Variants in TMIGD3 observed in about 807,000 individuals in gnomAD.
TMIGD3 encodes transmembrane and immunoglobulin domain containing 3.
A neutral mutation model predicts 28.1 loss-of-function variants in TMIGD3; 21 were observed. That is an observed-to-expected ratio of 0.75 (90% CI 0.53 to 1.08). The LOEUF is 1.08. TMIGD3 is among the 50% of genes least tolerant of loss of function. The pLI is 0.00. For missense variants in TMIGD3, 416 were observed against 435.6 expected, an observed-to-expected ratio of 0.96 and a Z score of 0.40; for synonymous variants, 151 against 162.1, an observed-to-expected ratio of 0.93 and a Z score of 0.52.
chr1:111,490,784 G>GC (rs756149168), intron 1 of TMIGD3, 22 bp from the exon 2 acceptor site: 58 of 1,557,560 alleles, frequency 3.7e-5, no homozygotes, highest in Non-Finnish European at 4.8e-5. Flanking sequence ...AAACAGATAT[G>GC]CTTGAGCTTA....
intron 1 of TMIGD3, among the ~76,000 whole-genome samples, chr1:111,548,099 C>T (rs369421586): frequency 2.6e-5 from 4 of 152,224 alleles, no homozygotes; most frequent in Non-Finnish European, 4.4e-5. Context: ...CGGCTCACTG[C>T]AACCTCCACC....
chr1:111,494,032 A>G (rs577051078), intron 1 of TMIGD3, among the ~76,000 whole-genome samples: 45 of 152,354 alleles, frequency 3.0e-4, no homozygotes, highest in African/African-American at 1.1e-3. Context: ...TGGCCACACC[A>G]TACATGAAAA....
At chr1:111,532,399 A>G (rs1656487784) in intron 1 of TMIGD3, among the ~76,000 whole-genome samples, 1 of 152,180 alleles carries the variant, frequency 6.6e-6, no homozygotes, top group Non-Finnish European at 1.5e-5. Context: ...CCCAGGAAAA[A>G]CTAAGAAAAT....
At chr1:111,537,883 C>T (rs1557840676) in intron 1 of TMIGD3, among the ~76,000 whole-genome samples, 2 of 152,048 alleles carry the variant, frequency 1.3e-5, no homozygotes, top group Non-Finnish European at 2.9e-5. Flanking sequence ...CAGATGTGAT[C>T]TTTTTTGTTG....
Sources: gnomAD v4.1 joint callset for allele counts (sites outside exome capture counted in the v4.1 genomes callset) on GRCh38, gnomAD v4.1.1 for gene constraint, MANE v1.5 for transcripts, NCBI Gene and HGNC (gene_info 2026-07-23, HGNC 2026-07-21) for gene names.